The following PLEC variants were observed in gnomAD, a reference collection of about 807,000 sequenced individuals.
The protein encoded by PLEC is hemidesmosomal protein 1.
A neutral mutation model predicts 392.8 loss-of-function variants in PLEC; 216 were observed. The ratio of observed to expected loss-of-function variants is 0.55; its 90% CI spans 0.49 to 0.62. PLEC has a LOEUF of 0.62. Ranked by LOEUF, PLEC falls within the 20% of genes least tolerant of loss-of-function variation. The pLI is 0.00. For missense variants in PLEC, 6,863 were observed against 6,563.4 expected (o/e 1.05, Z -1.58); for synonymous variants, 3,621 against 2,980.6 (o/e 1.21, Z -7.00).
intron 3 of PLEC, among the ~76,000 whole-genome samples, chr8:143,937,480 G>A (rs112761138): frequency 2.0e-5 from 3 of 152,288 alleles, no homozygotes; most frequent in African/African-American, 4.8e-5. Flanking sequence ...AGGAAGGGGT[G>A]GGAGGAGACA....
intron 1 of PLEC, among the ~76,000 whole-genome samples, chr8:143,960,239 G>A (rs1204953203): frequency 6.6e-6 from 1 of 150,716 alleles, no homozygotes; most frequent in Non-Finnish European, 1.5e-5. Context: ...CCGAGATCAT[G>A]CCATTGTACT....
At chr8:143,930,904 C>T (rs191598009) in intron 19 of PLEC, among the ~76,000 whole-genome samples, 184 of 152,284 alleles carry the variant, frequency 1.2e-3, no homozygotes, top group African/African-American at 4.1e-3. Context: ...CGGCACACAC[C>T]TGGGAGCTGC....
chr8:143,945,899 G>A (rs1440872537), intron 1 of PLEC, among the ~76,000 whole-genome samples: 3 of 152,268 alleles, frequency 2.0e-5, no homozygotes, highest in Non-Finnish European at 1.5e-5. Flanking sequence ...GGGCGGCCAG[G>A]GGTCGGGCGG....
chr8:143,955,944 C>CTTTT (rs57462492), upstream of PLEC, among the ~76,000 whole-genome samples: 1 of 125,402 alleles, frequency 8.0e-6, no homozygotes, highest in Admixed American at 8.3e-5. Context: ...CCTAGGGAGA[C>CTTTT]TTTTTTTTTT....
At chr8:143,927,127 G>A (rs1554706715) in intron 28 of PLEC, 46 bp from the exon 29 acceptor site, 2 of 1,569,082 alleles carry the variant, frequency 1.3e-6, no homozygotes, top group African/African-American at 2.7e-5. Context: ...CCCTCCGATG[G>A]CCCCTGCCCA....
chr8:143,916,864 C>G lies in PLEC; in HGVS notation c.12957G>C (p.Gly4319=). 6.2e-7 allele frequency: 1 copy of G among 1,611,886 alleles called. No individual in the cohort carries two copies. The highest frequency in any genetic ancestry group is 8.5e-7 in the Non-Finnish European group (1 of 1,179,604). The change falls in exon 32 of 32, where the codon GGG becomes GGC. Residue 4319 remains glycine, a synonymous_variant. Transcript: ENST00000345136. The part of the protein sequence containing the change: ...QRLLEAQACT[G]GIIDPSTGER... Reference sequence around the variant, plus strand: ...CACCGGTGCTGGGGTCGATGATGCCCCCGGTGCAGGCCTGCGCCTCCAGCA... The same window carrying G: ...CACCGGTGCTGGGGTCGATGATGCCGCCGGTGCAGGCCTGCGCCTCCAGCA...
At position 143,919,717 on chromosome 8, in the gene PLEC, C is replaced by T. The variant is rs782401000; in HGVS notation, c.10104G>A (p.Lys3368=). The part of the protein sequence containing the change: ...AGIYLEDTKE[K]VSIYEAMRRG... ...GGCGCATGGCCTCGTAGATGGACAC[C>T]TTCTCCTTGGTGTCCTCCAGGTAGA... Residue 3368 remains lysine, a synonymous_variant, in exon 32 of 32, where the codon AAG becomes AAA. Transcript: ENST00000345136. 1 of 1,606,168 alleles carries T rather than the reference C, an allele frequency of 6.2e-7. No individual in the cohort carries two copies. Among genetic ancestry groups the T allele is most frequent in the Non-Finnish European group, 8.5e-7 (1 of 1,176,264 alleles).
At chr8:143,957,202 C>G (rs1017786868), upstream of PLEC, among the ~76,000 whole-genome samples, 10 of 152,180 alleles carry the variant, frequency 6.6e-5, no homozygotes, top group South Asian at 6.2e-4. Context: ...GGAAGCTGGG[C>G]GCCCTGGTGA....
In PLEC at chr8:143,973,500, G is replaced by C; in HGVS notation, c.-28C>G. 6.8e-7 allele frequency: 1 copy of C among 1,481,000 alleles called. No individual in the cohort carries two copies. Among genetic ancestry groups the C allele is most frequent in the Non-Finnish European group, 9.0e-7 (1 of 1,112,968 alleles). 91.7% of individuals were successfully genotyped at this position (1,481,000 alleles called of 1,614,324 possible). A position where few individuals can be genotyped will look rare whatever the true frequency, so the allele number is the denominator to read the frequency against. ...CGGCGGGCGCGGGGCGCGGGGTGCA[G>C]CGGAGCCTCCAGCACCCGGCGGCCA... On this transcript the variant is annotated 5_prime_UTR_variant, in exon 1 of 32. Coordinates refer to the PLEC transcript ENST00000356346. This position sits in a 1 kb window ranked among gnomAD's most constrained non-coding sequence, Gnocchi z 5.6.
chr8:143,927,901 C>A lies in PLEC; in HGVS notation c.3352G>T (p.Val1118Leu). The A allele has an allele frequency of 6.3e-7, 1 of 1,595,800 alleles. No individual in the cohort carries two copies. Among genetic ancestry groups the A allele is most frequent in the Non-Finnish European group, 8.5e-7 (1 of 1,172,172 alleles). The change falls in exon 26 of 32, where the codon GTG (valine) becomes TTG (leucine). Residue 1118 changes from valine to leucine, a missense_variant. By Grantham distance (32) the Val-to-Leu change is conservative. Coordinates refer to ENST00000345136, the MANE Select transcript of PLEC (RefSeq NM_201384.3). ...HEEQLKEAQAVPATLPELEAT... is the reference protein window; with the variant it reads ...HEEQLKEAQALPATLPELEAT... ...TCGAGCTCCGGGAGGGTGGCCGGCA[C>A]GGCCTGGGCCTCCTTGAGCTGCTCC...
Position 143,938,207 on chromosome 8 carries a change from G to A in PLEC, c.208C>T (p.Leu70Phe), listed in dbSNP as rs1554725213. The A allele has an allele frequency of 6.2e-7, 1 of 1,607,960 alleles. No individual in the cohort carries two copies. The highest frequency in any genetic ancestry group is 8.5e-7 in the Non-Finnish European group (1 of 1,178,548). ...QRHISDLYED[L>F]RDGHNLISLL... ...GAGATGAGGTTGTGGCCATCGCGGA[G>A]GTCTTCATACAGGTCACTGATGTGC... The change falls in exon 3 of 32, where the codon CTC (leucine) becomes TTC (phenylalanine). Residue 70 changes from leucine to phenylalanine, a missense_variant. By Grantham distance (22) the Leu-to-Phe change is conservative (BLOSUM62 0). Transcript: ENST00000345136.
chr8:143,943,724 G>A, upstream of PLEC: 1 of 1,517,362 alleles, frequency 6.6e-7, no homozygotes, highest in South Asian at 1.2e-5. Flanking sequence ...GGGGCGGGAG[G>A]CAGGCGGCCC....
chr8:143,957,864 G>A (rs1460829786), upstream of PLEC, among the ~76,000 whole-genome samples: 1 of 151,384 alleles, frequency 6.6e-6, no homozygotes, highest in Non-Finnish European at 1.5e-5. Context: ...CTCTGGTGGT[G>A]GTGGAGCAGG....
chr8:143,962,804 G>T (rs1304131375), intron 1 of PLEC, among the ~76,000 whole-genome samples: 2 of 152,214 alleles, frequency 1.3e-5, no homozygotes, highest in African/African-American at 4.8e-5. Flanking sequence ...TGGAAGGTGT[G>T]GCTTGGCTGC....
At chr8:143,975,072 C>A (rs61497531), upstream of PLEC, 487 of 1,303,952 alleles carry the variant, frequency 3.7e-4, 5 homozygotes, top group African/African-American at 5.3e-3. This position sits in a 1 kb window ranked among gnomAD's most constrained non-coding sequence, Gnocchi z 9.9. Context: ...GCAGATCCCC[C>A]TAGGCCTCCC....
Position 143,923,590 on chromosome 8 carries a change from C to T in PLEC, c.6339G>A (p.Glu2113=). Residue 2113 remains glutamate, a synonymous_variant, in exon 31 of 32, where the codon GAG becomes GAA. Coordinates refer to ENST00000345136, the MANE Select transcript of PLEC (RefSeq NM_201384.3). ...EAAQSRRQVE[E]AERLKQSAEE... ...CTGCCGACTGCTTCAGCCGCTCGGCCTCTTCCACCTGCCGCCGGGACTGCG... is the reference window on the plus strand; with the variant it reads ...CTGCCGACTGCTTCAGCCGCTCGGCTTCTTCCACCTGCCGCCGGGACTGCG... 1 of 1,595,156 alleles carries T rather than the reference C, an allele frequency of 6.3e-7. No homozygotes were observed. The highest frequency in any genetic ancestry group is 8.5e-7 in the Non-Finnish European group (1 of 1,177,520).
In PLEC at chr8:143,965,807, G is replaced by C. The variant is rs1338436087; in HGVS notation, c.70+7596C>G. Among the ~76,000 whole-genome samples, 4 of 152,124 alleles carry C rather than the reference G, an allele frequency of 2.6e-5. No individual in the cohort carries two copies. In the East Asian group the frequency reaches 7.7e-4, roughly 29 times the overall value. On this transcript the variant is annotated intron_variant, in intron 1 of 31. Coordinates refer to the PLEC transcript ENST00000356346. The stretch of plus-strand genomic sequence containing the variant: ...TGATGATGTGTGGCTGGGTAAATGT[G>C]AGCGACCACTCAGTACTCACCCTGG...
rs554561043 is a variant in PLEC at position 143,925,090 on chromosome 8, C to T, written c.4839G>A (p.Arg1613=). The T allele has an allele frequency of 7.9e-5, 122 of 1,546,796 alleles. No homozygotes were observed. The highest frequency in any genetic ancestry group is 1.0e-4 in the Non-Finnish European group (118 of 1,153,510). The change falls in exon 31 of 32, where the codon CGG becomes CGA. Residue 1613 remains arginine (R), a synonymous_variant. Coordinates refer to ENST00000345136, the MANE Select transcript of PLEC (RefSeq NM_201384.3). ...GCTCGGCCTCGGCCTGCTGCTGTGC[C>T]CGCCGCTCAGCCTCCTCCCGCAGCT... is the stretch of plus-strand genomic sequence containing the variant. ...VAQLREEAER[R]AQQQAEAERA...
chr8:143,946,675 C>T, intron 1 of PLEC: 1 of 256,602 alleles, frequency 3.9e-6, no homozygotes, highest in Non-Finnish European at 8.0e-6. Context: ...TCCTGCCCCG[C>T]CCAGCAGACC....
Sources: allele counts gnomAD v4.1 joint callset (sites outside exome capture counted in the v4.1 genomes callset), GRCh38; gene constraint gnomAD v4.1.1; non-coding constraint Gnocchi (gnomAD v3.1); transcripts MANE v1.5; gene names NCBI Gene and HGNC (gene_info 2026-07-23, HGNC 2026-07-21).